Variants in CDK8 observed in about 807,000 individuals in gnomAD.
CDK8 encodes the protein cyclin-dependent kinase 8.
In CDK8, 29 loss-of-function variants were observed where a neutral mutation model predicts 71.5. The ratio of observed to expected loss-of-function variants is 0.41; its 90% CI spans 0.30 to 0.55. The LOEUF (loss-of-function observed/expected upper bound fraction) is 0.55. Ranked by LOEUF, CDK8 falls within the 20% of genes least tolerant of loss-of-function variation. The probability of loss-of-function intolerance (pLI) is 0.37; values close to 1 mark genes in which losing one functional copy is unlikely to be tolerated. For missense variants in CDK8, 288 were observed against 572.6 expected (o/e 0.50, Z 5.07); for synonymous variants, 161 against 192.1 (o/e 0.84, Z 1.34).
At chr13:26,367,930 A>G (rs1002452573) in intron 4 of CDK8, among the ~76,000 whole-genome samples, 1 of 152,188 alleles carries the variant, frequency 6.6e-6, no homozygotes, top group Non-Finnish European at 1.5e-5. Context: ...AGAGGAATCC[A>G]TGAAAGGAAG....
At chr13:26,345,280 G>A (rs965380727) in intron 2 of CDK8, among the ~76,000 whole-genome samples, 6 of 152,204 alleles carry the variant, frequency 3.9e-5, no homozygotes, top group Admixed American at 1.3e-4. Context: ...TACTCTGGCA[G>A]TAGTTACTTA....
chr13:26,293,374 G>A (rs1198453723), intron 1 of CDK8, among the ~76,000 whole-genome samples: 2 of 152,012 alleles, frequency 1.3e-5, no homozygotes, highest in Non-Finnish European at 2.9e-5. Context: ...CGGCCAAGGC[G>A]GGTGGATTGC....
chr13:26,376,803 G>GA (rs1593298677), intron 4 of CDK8, among the ~76,000 whole-genome samples: 1 of 151,966 alleles, frequency 6.6e-6, no homozygotes, highest in African/African-American at 2.4e-5. Flanking sequence ...AGAAAAAAAA[G>GA]AAAAAACCCT....
At chr13:26,400,408 CTG>C (rs763427907) in intron 9 of CDK8, 43 bp from the exon 10 acceptor site, 34 of 1,137,346 alleles carry the variant, frequency 3.0e-5, no homozygotes, top group Middle Eastern at 1.9e-4. Flanking sequence ...TGAAAGATAA[CTG>C]TGAGAAGCAA....
At position 26,271,716 on chromosome 13, in the gene CDK8, G is replaced by A. The variant is rs9581609; in HGVS notation, c.128+16947G>A. Among the ~76,000 whole-genome samples, 1,029 of 151,474 alleles carry A rather than the reference G, an allele frequency of 6.8e-3. 7 individuals carry two copies. The highest frequency in any genetic ancestry group is 0.024 in the Middle Eastern group (7 of 292). On this transcript the variant is annotated intron_variant, in intron 1 of 12. Coordinates refer to ENST00000381527, the MANE Select transcript of CDK8 (RefSeq NM_001260.3). ...TCCCAGCTACTCAGGAGACCGAGGCGGTAGGATTGCTTGAGTCCAGGAGCT... is the reference window on the plus strand; with the variant it reads ...TCCCAGCTACTCAGGAGACCGAGGCAGTAGGATTGCTTGAGTCCAGGAGCT...
intron 10 of CDK8, among the ~76,000 whole-genome samples, chr13:26,400,956 G>A (rs1876227830): frequency 6.6e-6 from 1 of 152,136 alleles, no homozygotes; most frequent in Admixed American, 6.5e-5. Flanking sequence ...TTTGAATGGT[G>A]ACACATACTT....
Position 26,343,518 on chromosome 13 carries a change from A to G in CDK8, c.205-5554A>G, listed in dbSNP as rs141076519. On this transcript the variant is annotated intron_variant, in intron 2 of 12. Transcript: ENST00000381527. The stretch of plus-strand genomic sequence containing the variant: ...CCTTTTGTCTATGGATTCGCCCCAA[A>G]TTCTTTCTTGTTCAAGGTCCCCCCA... 7.8e-4 allele frequency among the ~76,000 whole-genome samples: 118 copies of G among 152,252 alleles called. 3 individuals carry two copies. In the East Asian group the frequency reaches 0.016, roughly 20 times the overall value.
At chr13:26,330,183 C>T (rs1483763378) in intron 1 of CDK8, among the ~76,000 whole-genome samples, 3 of 152,144 alleles carry the variant, frequency 2.0e-5, no homozygotes, top group Non-Finnish European at 2.9e-5. Flanking sequence ...TCATCCCACT[C>T]TGCTGTCAAA....
chr13:26,317,072 G>C (rs565978416), intron 1 of CDK8, among the ~76,000 whole-genome samples: 1 of 152,194 alleles, frequency 6.6e-6, no homozygotes, highest in Non-Finnish European at 1.5e-5. Context: ...AAAGAGAAAG[G>C]GTTGAAGAAA....
intron 1 of CDK8, among the ~76,000 whole-genome samples, chr13:26,291,611 G>A (rs1056595317): frequency 1.3e-5 from 2 of 152,158 alleles, no homozygotes; most frequent in Non-Finnish European, 2.9e-5. Flanking sequence ...ATTACAAGAA[G>A]CAAGGACTTT....
At chr13:26,353,304 C>G (rs1873758241) in intron 3 of CDK8, among the ~76,000 whole-genome samples, 1 of 152,060 alleles carries the variant, frequency 6.6e-6, no homozygotes, top group African/African-American at 2.4e-5. Context: ...TTTATTGAAG[C>G]ATCTCCCCAC....
intron 1 of CDK8, among the ~76,000 whole-genome samples, chr13:26,263,152 T>C (rs1315636809): frequency 6.6e-6 from 1 of 152,198 alleles, no homozygotes; most frequent in Non-Finnish European, 1.5e-5. Flanking sequence ...GGTTTTTTTT[T>C]TGAGACGGAG....
At chr13:26,363,327 C>T (rs372150064) in intron 4 of CDK8, among the ~76,000 whole-genome samples, 1 of 45,240 alleles carries the variant, frequency 2.2e-5, no homozygotes, top group Non-Finnish European at 3.5e-5. Context: ...GACTCCATCT[C>T]AAAAAAAAAA....
Position 26,384,320 on chromosome 13 carries a change from T to C in CDK8, c.515-891T>C, listed in dbSNP as rs543986787. On this transcript the variant is annotated intron_variant, in intron 5 of 12. Coordinates refer to ENST00000381527, the MANE Select transcript of CDK8 (RefSeq NM_001260.3). ...CATTAAAAAATGTGTATTAGGAAAA[T>C]AGAACTAAACTTATCAAATGGTGGG... Among the ~76,000 whole-genome samples the C allele has an allele frequency of 1.0e-3, 152 of 152,090 alleles. 1 individual carries two copies. Among genetic ancestry groups the C allele is most frequent in the African/African-American group, 3.5e-3 (144 of 41,496 alleles).
At chr13:26,281,728 A>C in intron 1 of CDK8, among the ~76,000 whole-genome samples, 1 of 152,080 alleles carries the variant, frequency 6.6e-6, no homozygotes, top group South Asian at 2.1e-4. Context: ...AACCAACTTA[A>C]AGAAATTAAA....
chr13:26,323,271 G>T (rs1479947704), intron 1 of CDK8, among the ~76,000 whole-genome samples: 1 of 149,204 alleles, frequency 6.7e-6, no homozygotes, highest in African/African-American at 2.5e-5. Flanking sequence ...TTTCTTCCTG[G>T]CTGTCTTCTC....
At chr13:26,329,296 G>A (rs550223828) in intron 1 of CDK8, among the ~76,000 whole-genome samples, 1 of 151,876 alleles carries the variant, frequency 6.6e-6, no homozygotes, top group East Asian at 1.9e-4. Context: ...TCTCTTAAAG[G>A]TGAATTTTCA....
chr13:26,266,461 G>A (rs1872022295), intron 1 of CDK8, among the ~76,000 whole-genome samples: 3 of 152,128 alleles, frequency 2.0e-5, no homozygotes, highest in Admixed American at 2.0e-4. Context: ...AGGAACCGTG[G>A]AGTGTACAGC....
In CDK8 at chr13:26,337,553, CTT is replaced by C. The variant is rs760385000; in HGVS notation, c.129-12_129-11del. 6.5e-6 allele frequency: 8 copies of C among 1,224,208 alleles called. No homozygotes were observed. The African/African-American group carries it at 9.4e-5, about 14-fold the overall frequency. The allele number at this position is 1,224,208 out of a possible 1,614,324, so 75.8% of individuals were successfully genotyped here. On this transcript the variant is annotated splice_polypyrimidine_tract_variant and intron_variant, in intron 1 of 12. Coordinates refer to ENST00000381527, the MANE Select transcript of CDK8 (RefSeq NM_001260.3). The stretch of plus-strand genomic sequence containing the variant: ...TAGATTTATCTATATATTAAAATAA[CTT>C]TGTTTTTACAGGAAGGATGATAAAG...
Sources: allele counts gnomAD v4.1 joint callset (sites outside exome capture counted in the v4.1 genomes callset), GRCh38; gene constraint gnomAD v4.1.1; transcripts MANE v1.5; gene names NCBI Gene and HGNC (gene_info 2026-07-23, HGNC 2026-07-21).